The following TNFAIP6 variants were observed in gnomAD, a reference collection of about 807,000 sequenced individuals.
TNFAIP6 encodes tumor necrosis factor-inducible gene 6 protein.
TNFAIP6 carries 36 observed loss-of-function variants against 33.7 expected under a neutral mutation model. That is an observed-to-expected ratio of 1.07 (90% CI 0.82 to 1.41). TNFAIP6 has a LOEUF of 1.41. Ranked by LOEUF, TNFAIP6 falls within the 40% of genes most tolerant of loss-of-function variation. TNFAIP6 has a pLI of 0.00. For missense variants in TNFAIP6, 273 were observed against 331.9 expected, an observed-to-expected ratio of 0.82 and a Z score of 1.38; for synonymous variants, 113 against 112.8, an observed-to-expected ratio of 1.00 and a Z score of -0.01.
chr2:151,374,549 TC>T (rs1447037709), intron 5 of TNFAIP6, among the ~76,000 whole-genome samples: 1 of 152,160 alleles, frequency 6.6e-6, no homozygotes, highest in Non-Finnish European at 1.5e-5. Context: ...GTTAACTTAC[TC>T]CCACACCCCA....
In TNFAIP6 at chr2:151,363,945, C is replaced by G. The variant is rs763712766; in HGVS notation, c.97C>G (p.Arg33Gly). The G allele has an allele frequency of 1.2e-6, 2 of 1,611,246 alleles. No individual in the cohort carries two copies. Among genetic ancestry groups the G allele is most frequent in the Non-Finnish European group, 1.7e-6 (2 of 1,179,284 alleles). ...TATGACATCATCTGATTTTGCAGAACGAGCAGCCGGTGTGTACCACAGAGA... is the reference window on the plus strand; with the variant it reads ...TATGACATCATCTGATTTTGCAGAAGGAGCAGCCGGTGTGTACCACAGAGA... Reference protein sequence around the residue: ...GIFHNSIWLERAAGVYHREAR... With the variant: ...GIFHNSIWLEGAAGVYHREAR... Residue 33 changes from arginine to glycine, a missense_variant and splice_region_variant, in exon 2 of 6, where the codon CGA becomes GGA. Arg to Gly is a moderately radical substitution (Grantham distance 125). Coordinates refer to ENST00000243347, the MANE Select transcript of TNFAIP6 (RefSeq NM_007115.4).
At chr2:151,369,970 G>A in intron 3 of TNFAIP6, 50 bp from the exon 4 acceptor site, 1 of 1,395,916 alleles carries the variant, frequency 7.2e-7, no homozygotes, top group Non-Finnish European at 9.9e-7. Flanking sequence ...CAGGGATAAT[G>A]TTTTTCCTAA....
intron 5 of TNFAIP6, among the ~76,000 whole-genome samples, chr2:151,378,835 C>T (rs924166027): frequency 6.6e-6 from 1 of 151,754 alleles, no homozygotes; most frequent in African/African-American, 2.4e-5. Context: ...CGGTGGCTCA[C>T]GCCTGTAATC....
chr2:151,375,967 C>T (rs373709618), intron 5 of TNFAIP6, among the ~76,000 whole-genome samples: 2 of 152,084 alleles, frequency 1.3e-5, no homozygotes, highest in African/African-American at 2.4e-5. Flanking sequence ...AGAAGTCAGC[C>T]GGGCACAGTG....
At chr2:151,369,244 G>A (rs577083640) in intron 3 of TNFAIP6, among the ~76,000 whole-genome samples, 159 of 152,210 alleles carry the variant, frequency 1.0e-3, no homozygotes, top group Non-Finnish European at 1.6e-3. Context: ...GTTATGTTAT[G>A]CCTTAAAAGA....
At chr2:151,359,058 T>C (rs140099453) in intron 1 of TNFAIP6, among the ~76,000 whole-genome samples, 1 of 152,154 alleles carries the variant, frequency 6.6e-6, no homozygotes, top group Admixed American at 6.5e-5. Flanking sequence ...TACAAAAATA[T>C]AAACCTGGAC....
chr2:151,370,147 C>G lies in TNFAIP6; in HGVS notation c.522C>G (p.His174Gln), dbSNP rs1573783283. ...HIRLKYGQRI[H>Q]LSFLDFDLED... ...GACTCAAGTATGGTCAGCGTATTCA[C>G]CTGAGTTTTTTAGATTTTGACCTTG... The change falls in exon 4 of 6, where the codon CAC (histidine) becomes CAG (glutamine). Residue 174 changes from histidine (H) to glutamine (Q), a missense_variant. Physicochemically the swap from His to Gln is conservative, Grantham distance 24. Transcript: ENST00000243347. 6.2e-7 allele frequency: 1 copy of G among 1,613,948 alleles called. No homozygotes were observed. The highest frequency in any genetic ancestry group is 1.3e-5 in the African/African-American group (1 of 74,912).
chr2:151,374,271 T>C (rs1257997342), intron 5 of TNFAIP6, among the ~76,000 whole-genome samples: 1 of 152,132 alleles, frequency 6.6e-6, no homozygotes, highest in Non-Finnish European at 1.5e-5. Flanking sequence ...TTCCAAGAAA[T>C]GTACCTCAAG....
chr2:151,360,594 T>C (rs1684610660), intron 1 of TNFAIP6, among the ~76,000 whole-genome samples: 1 of 152,236 alleles, frequency 6.6e-6, no homozygotes, highest in Non-Finnish European at 1.5e-5. Flanking sequence ...AAGGTCCATC[T>C]TAATAGCTCA....
chr2:151,360,811 A>T (rs568759789), intron 1 of TNFAIP6, among the ~76,000 whole-genome samples: 1 of 152,276 alleles, frequency 6.6e-6, no homozygotes, highest in South Asian at 2.1e-4. Context: ...TGTTATTACT[A>T]GACAAGTTTC....
intron 1 of TNFAIP6, among the ~76,000 whole-genome samples, chr2:151,363,287 CA>C (rs1431152218): frequency 6.6e-6 from 1 of 151,508 alleles, no homozygotes; most frequent in African/African-American, 2.4e-5. Context: ...GCCTGGGCGA[CA>C]GAGTGAGACT....
chr2:151,370,843 G>T (rs945430932), intron 4 of TNFAIP6, among the ~76,000 whole-genome samples: 1 of 152,178 alleles, frequency 6.6e-6, no homozygotes, highest in Non-Finnish European at 1.5e-5. Context: ...GGCCAAGGTG[G>T]GTGGATTACC....
In TNFAIP6 at chr2:151,364,053, A is replaced by T; in HGVS notation, c.205A>T (p.Lys69Ter). 6.2e-7 allele frequency: 1 copy of T among 1,614,128 alleles called. No individual in the cohort carries two copies. The highest frequency in any genetic ancestry group is 8.5e-7 in the Non-Finnish European group (1 of 1,180,004). The change falls in exon 2 of 6, where the codon AAG becomes TAG. Residue 69 changes from lysine to a stop codon, truncating the protein, a stop_gained. Coordinates refer to ENST00000243347, the MANE Select transcript of TNFAIP6 (RefSeq NM_007115.4). LOFTEE classifies it high-confidence loss of function. Reference sequence around the variant, plus strand: ...TGAAGGCGGCCATCTCGCAACTTACAAGCAGCTAGAGGCAGCCAGAAAAAT... The same window carrying T: ...TGAAGGCGGCCATCTCGCAACTTACTAGCAGCTAGAGGCAGCCAGAAAAAT... ...EFEGGHLATY[K>*]QLEAARKIGF...
rs1684558728 is a variant in TNFAIP6 at position 151,357,670 on chromosome 2, A to T, written c.4A>T (p.Ile2Phe). Residue 2 changes from isoleucine to phenylalanine, a missense_variant, in exon 1 of 6, where the codon ATC becomes TTC. Transcript: ENST00000243347. M[I>F]ILIYLFLLLW... ...TTACTTCACTACAACTGACGATATG[A>T]TCATCTTAATTTACTTATTTCTCTT... 2 of 1,605,568 alleles carry T rather than the reference A, an allele frequency of 1.2e-6. No individual in the cohort carries two copies. The highest frequency in any genetic ancestry group is 1.1e-5 in the South Asian group (1 of 90,888).
intron 5 of TNFAIP6, among the ~76,000 whole-genome samples, chr2:151,378,778 C>A (rs565252687): frequency 6.6e-6 from 1 of 151,942 alleles, no homozygotes; most frequent in Admixed American, 6.5e-5. Context: ...CGTGACCCAC[C>A]AGGCCCAGCC....
intron 5 of TNFAIP6, among the ~76,000 whole-genome samples, chr2:151,378,001 C>T (rs1191205787): frequency 2.6e-5 from 4 of 152,106 alleles, no homozygotes; most frequent in African/African-American, 4.8e-5. Flanking sequence ...TCCCCCTCAC[C>T]TCGCAGTGTT....
At chr2:151,358,099 CT>C (rs1684565937) in intron 1 of TNFAIP6, among the ~76,000 whole-genome samples, 1 of 152,140 alleles carries the variant, frequency 6.6e-6, no homozygotes, top group Non-Finnish European at 1.5e-5. Flanking sequence ...CCAATATAGT[CT>C]TCTGTTTTTA....
chr2:151,359,466 C>G (rs914667737), intron 1 of TNFAIP6, among the ~76,000 whole-genome samples: 7 of 150,428 alleles, frequency 4.7e-5, no homozygotes, highest in East Asian at 2.0e-4. Context: ...TCGGCTCACT[C>G]CAAGCTCCGC....
At chr2:151,367,962 G>T (rs1684744197) in intron 3 of TNFAIP6, among the ~76,000 whole-genome samples, 1 of 151,968 alleles carries the variant, frequency 6.6e-6, no homozygotes, top group Non-Finnish European at 1.5e-5. Context: ...GCAGTAACTA[G>T]ATATAACATA....
Sources: gnomAD v4.1 joint callset for allele counts (sites outside exome capture counted in the v4.1 genomes callset) on GRCh38, gnomAD v4.1.1 for gene constraint, MANE v1.5 for transcripts, NCBI Gene and HGNC (gene_info 2026-07-23, HGNC 2026-07-21) for gene names.